The following ZNF704 variants were observed in gnomAD, a reference collection of about 807,000 sequenced individuals.
ZNF704 encodes the protein zinc finger protein 704.
In ZNF704, 10 loss-of-function variants were observed where a neutral mutation model predicts 44.7. The ratio of observed to expected loss-of-function variants is 0.22; its 90% CI spans 0.14 to 0.38. The LOEUF is 0.38. Ranked by LOEUF, ZNF704 falls within the 10% of genes least tolerant of loss-of-function variation. The pLI is 1.00. For synonymous variants in ZNF704, 211 were observed against 207.6 expected (o/e 1.02, Z -0.14); for missense variants, 390 against 545.5 (o/e 0.71, Z 2.84).
intron 2 of ZNF704, among the ~76,000 whole-genome samples, chr8:80,711,350 A>G (rs1818982688): frequency 6.6e-6 from 1 of 152,164 alleles, no homozygotes; most frequent in Non-Finnish European, 1.5e-5. Flanking sequence ...TCTCATGGAT[A>G]TTGGGGTTAG....
chr8:80,808,468 T>C (rs1808027600), intron 2 of ZNF704, among the ~76,000 whole-genome samples: 1 of 152,216 alleles, frequency 6.6e-6, no homozygotes, highest in South Asian at 2.1e-4. Context: ...ACTTTATTTG[T>C]GGATATGTGG....
intron 2 of ZNF704, among the ~76,000 whole-genome samples, chr8:80,722,787 G>A (rs577537371): frequency 6.6e-6 from 1 of 151,252 alleles, no homozygotes; most frequent in Middle Eastern, 3.4e-3. Context: ...TGGGAAGAGT[G>A]GGTTCTCTTT....
intron 1 of ZNF704, among the ~76,000 whole-genome samples, chr8:80,840,220 C>G (rs144568155): frequency 1.6e-4 from 25 of 152,368 alleles, no homozygotes; most frequent in African/African-American, 5.8e-4. Context: ...GCTTGTCCAA[C>G]CCATGGCCTG....
intron 2 of ZNF704, among the ~76,000 whole-genome samples, chr8:80,795,835 G>C (rs1422024980): frequency 6.6e-6 from 1 of 152,182 alleles, no homozygotes; most frequent in Middle Eastern, 3.2e-3. Flanking sequence ...CAATGAGGGT[G>C]CACTGGCATT....
intron 2 of ZNF704, among the ~76,000 whole-genome samples, chr8:80,810,529 C>T (rs1808064347): frequency 6.6e-6 from 1 of 152,004 alleles, no homozygotes; most frequent in African/African-American, 2.4e-5. Context: ...TAACTGTGGT[C>T]CAAGCCTACA....
intron 1 of ZNF704, among the ~76,000 whole-genome samples, chr8:80,862,955 C>T (rs186353375): frequency 8.3e-4 from 125 of 151,230 alleles, no homozygotes; most frequent in Admixed American, 3.0e-3. Flanking sequence ...CTTCAAATGC[C>T]CCCCCTTTCC....
At chr8:80,854,176 A>G (rs1808919383) in intron 1 of ZNF704, among the ~76,000 whole-genome samples, 1 of 152,238 alleles carries the variant, frequency 6.6e-6, no homozygotes, top group East Asian at 1.9e-4. Flanking sequence ...GGCACTGTAA[A>G]AACACAAGAC....
At chr8:80,650,067 C>T (rs914926309) in intron 7 of ZNF704, among the ~76,000 whole-genome samples, 5 of 152,296 alleles carry the variant, frequency 3.3e-5, no homozygotes, top group Middle Eastern at 3.4e-3. Flanking sequence ...TGGAGTGGAC[C>T]GCCAGCAAAC....
chr8:80,685,001 G>A (rs975146554), intron 4 of ZNF704, among the ~76,000 whole-genome samples: 1 of 151,848 alleles, frequency 6.6e-6, no homozygotes, highest in Non-Finnish European at 1.5e-5. Flanking sequence ...TATTCGTCTC[G>A]GCTTGGGGAC....
chr8:80,658,488 C>T (rs1437856548), intron 7 of ZNF704, among the ~76,000 whole-genome samples: 1 of 152,154 alleles, frequency 6.6e-6, no homozygotes, highest in Non-Finnish European at 1.5e-5. Flanking sequence ...GTCTAAGCTG[C>T]CCTCTTCTAA....
upstream of ZNF704, among the ~76,000 whole-genome samples, chr8:80,876,394 C>T (rs1478742501): frequency 6.6e-6 from 1 of 152,088 alleles, no homozygotes; most frequent in Non-Finnish European, 1.5e-5. Flanking sequence ...TGGTTTCATC[C>T]CAATTGGAAG....
At chr8:80,797,192 A>T (rs568967077) in intron 2 of ZNF704, among the ~76,000 whole-genome samples, 5 of 152,280 alleles carry the variant, frequency 3.3e-5, no homozygotes, top group Non-Finnish European at 7.4e-5. Flanking sequence ...CTCTGCCCCC[A>T]TGGCATTCCT....
chr8:80,649,794 C>A (rs541292878), intron 7 of ZNF704, among the ~76,000 whole-genome samples: 2 of 152,326 alleles, frequency 1.3e-5, no homozygotes, highest in South Asian at 4.1e-4. Flanking sequence ...ATGTCCCTGT[C>A]TGACAGCTTT....
intron 2 of ZNF704, among the ~76,000 whole-genome samples, chr8:80,746,206 G>A (rs1279596429): frequency 2.6e-5 from 4 of 152,168 alleles, no homozygotes; most frequent in Non-Finnish European, 5.9e-5. Context: ...GCTTACACAG[G>A]GTTGGGCATG....
intron 2 of ZNF704, among the ~76,000 whole-genome samples, chr8:80,765,187 T>C (rs554839665): frequency 3.9e-5 from 6 of 152,290 alleles, no homozygotes; most frequent in Admixed American, 1.3e-4. Context: ...GAGCCTAATG[T>C]TCTGGCCATG....
chr8:80,713,549 A>AG (rs1478448553), intron 2 of ZNF704, among the ~76,000 whole-genome samples: 2 of 152,202 alleles, frequency 1.3e-5, no homozygotes, highest in Non-Finnish European at 2.9e-5. Flanking sequence ...AAAATATTTG[A>AG]TAAAATTCGT....
At chr8:80,757,439 TAA>T (rs1262997461) in intron 2 of ZNF704, among the ~76,000 whole-genome samples, 3 of 152,018 alleles carry the variant, frequency 2.0e-5, no homozygotes, top group East Asian at 1.9e-4. Flanking sequence ...TAAGTGTTAT[TAA>T]AAGAGTCAAA....
At chr8:80,715,693 A>T (rs1264201051) in intron 2 of ZNF704, among the ~76,000 whole-genome samples, 1 of 152,216 alleles carries the variant, frequency 6.6e-6, no homozygotes, top group East Asian at 1.9e-4. Context: ...GCTTCAACCC[A>T]GACTAATTAA....
intron 2 of ZNF704, among the ~76,000 whole-genome samples, chr8:80,754,716 C>CA (rs1475211400): frequency 5.9e-5 from 9 of 152,194 alleles, no homozygotes; most frequent in Non-Finnish European, 1.2e-4. Context: ...TGCTCCCCTG[C>CA]AGTTAGGCAT....
Sources: gnomAD v4.1 joint callset for allele counts (sites outside exome capture counted in the v4.1 genomes callset) on GRCh38, gnomAD v4.1.1 for gene constraint, MANE v1.5 for transcripts, NCBI Gene and HGNC (gene_info 2026-07-23, HGNC 2026-07-21) for gene names.